The following ELMO1 variants were observed in gnomAD, a reference collection of about 807,000 sequenced individuals.
The protein encoded by ELMO1 is engulfment and cell motility protein 1.
Under a neutral mutation model 98.9 loss-of-function variants are expected in ELMO1, and 26 were observed. That is an observed-to-expected ratio of 0.26 (90% CI 0.19 to 0.36). The LOEUF (loss-of-function observed/expected upper bound fraction) is 0.36. ELMO1 is among the 10% of genes least tolerant of loss of function. The pLI, the probability that ELMO1 is intolerant of heterozygous loss-of-function variation, is 1.00. For missense variants in ELMO1, 627 were observed against 935.2 expected, an observed-to-expected ratio of 0.67 and a Z score of 4.30; for synonymous variants, 346 against 346.0, an observed-to-expected ratio of 1.00 and a Z score of 0.00.
intron 2 of ELMO1, among the ~76,000 whole-genome samples, chr7:37,320,718 T>C (rs978898721): frequency 6.6e-6 from 1 of 152,176 alleles, no homozygotes; most frequent in African/African-American, 2.4e-5. Flanking sequence ...CCCTCAGTAC[T>C]AGTTACCACA....
intron 13 of ELMO1, among the ~76,000 whole-genome samples, chr7:37,151,588 T>C (rs532840809): frequency 2.6e-5 from 4 of 152,286 alleles, no homozygotes; most frequent in African/African-American, 9.6e-5. Flanking sequence ...TGTTATCATA[T>C]GATTCAACCT....
rs191639932 is a variant in ELMO1, at chr7:37,410,008, C to T, written c.-74+38667G>A. Among the ~76,000 whole-genome samples, 64 of 152,278 alleles carry T rather than the reference C, an allele frequency of 4.2e-4. 1 individual carries two copies. The South Asian group carries it at 0.012, about 29-fold the overall frequency. On this transcript the variant is annotated intron_variant, in intron 1 of 21. Coordinates refer to ENST00000310758, the MANE Select transcript of ELMO1 (RefSeq NM_014800.11). ...AAAAGGTAATTATCTCCCTCCTTCCCGCAAAGTCACATAGCTATTAAGCAA... is the reference window on the plus strand; with the variant it reads ...AAAAGGTAATTATCTCCCTCCTTCCTGCAAAGTCACATAGCTATTAAGCAA...
chr7:37,369,743 T>A (rs1802040264), intron 1 of ELMO1, among the ~76,000 whole-genome samples: 1 of 149,894 alleles, frequency 6.7e-6, no homozygotes, highest in Non-Finnish European at 1.5e-5. Flanking sequence ...TCCAAAGGTT[T>A]GATAAGAAAA....
rs77900641 is a variant in ELMO1, at chr7:36,925,287, C to T, written c.1438-30270G>A. 1.1e-4 allele frequency among the ~76,000 whole-genome samples: 16 copies of T among 152,256 alleles called. No individual in the cohort carries two copies. The South Asian group carries it at 2.7e-3, about 26-fold the overall frequency. ...TTTATACTTCAAGGAACAAACAAAG[C>T]GATCATTTTTTCGTGACTCTCTGAG... is the stretch of plus-strand genomic sequence containing the variant. On this transcript the variant is annotated intron_variant, in intron 16 of 21. Transcript: ENST00000310758.
intron 4 of ELMO1, among the ~76,000 whole-genome samples, chr7:37,310,336 A>G (rs1340742060): frequency 6.6e-6 from 1 of 152,224 alleles, no homozygotes; most frequent in Non-Finnish European, 1.5e-5. Flanking sequence ...TAACCTCCTC[A>G]TGGCTTTCCT....
At chr7:37,146,072 G>T (rs1055587635) in intron 13 of ELMO1, among the ~76,000 whole-genome samples, 1 of 152,278 alleles carries the variant, frequency 6.6e-6, no homozygotes, top group South Asian at 2.1e-4. Context: ...TGGTGTCCAG[G>T]TTCTAGCCCA....
chr7:37,435,868 G>A (rs139070657), intron 1 of ELMO1, among the ~76,000 whole-genome samples: 139 of 152,224 alleles, frequency 9.1e-4, no homozygotes, highest in African/African-American at 3.1e-3. Flanking sequence ...CTGCCCCGAC[G>A]GTGCTCTTTT....
chr7:37,355,993 A>G (rs1801479327), intron 1 of ELMO1, among the ~76,000 whole-genome samples: 1 of 152,192 alleles, frequency 6.6e-6, no homozygotes. Flanking sequence ...GGGTAGTGTT[A>G]GGGCTTAGAA....
chr7:37,097,679 T>C (rs980144282), intron 14 of ELMO1, among the ~76,000 whole-genome samples: 3 of 152,092 alleles, frequency 2.0e-5, no homozygotes, highest in Admixed American at 6.5e-5. Flanking sequence ...GGCTCAACTA[T>C]GCTGACGGTG....
At chr7:36,901,991 G>C (rs963034256) in intron 16 of ELMO1, among the ~76,000 whole-genome samples, 2 of 152,158 alleles carry the variant, frequency 1.3e-5, no homozygotes, top group African/African-American at 4.8e-5. Context: ...TGGTTTCAGG[G>C]CTTGGAAGAT....
intron 4 of ELMO1, among the ~76,000 whole-genome samples, chr7:37,293,871 T>G (rs904949762): frequency 1.3e-5 from 2 of 151,706 alleles, no homozygotes; most frequent in Non-Finnish European, 2.9e-5. Context: ...TCCACTAAGA[T>G]TTTAATTAAA....
At chr7:37,128,309 T>C (rs1786669375) in intron 14 of ELMO1, among the ~76,000 whole-genome samples, 1 of 152,244 alleles carries the variant, frequency 6.6e-6, no homozygotes, top group Non-Finnish European at 1.5e-5. Flanking sequence ...AGCAGGCTCA[T>C]GGGCATGAGC....
intron 16 of ELMO1, among the ~76,000 whole-genome samples, chr7:36,994,611 C>T (rs1792080752): frequency 6.6e-6 from 1 of 152,230 alleles, no homozygotes; most frequent in Non-Finnish European, 1.5e-5. Context: ...TGTTGTCTCC[C>T]ATTCCTTCCT....
At chr7:37,215,430 C>T (rs1459036696) in intron 11 of ELMO1, among the ~76,000 whole-genome samples, 3 of 152,162 alleles carry the variant, frequency 2.0e-5, no homozygotes, top group Non-Finnish European at 2.9e-5. Flanking sequence ...GAGACTGCTC[C>T]TCCCAGGTCT....
intron 4 of ELMO1, among the ~76,000 whole-genome samples, chr7:37,302,110 T>A (rs1294966833): frequency 1.3e-5 from 2 of 152,196 alleles, no homozygotes. Context: ...TCTTTGCCAC[T>A]CCTTCCATGG....
chr7:37,173,719 C>T lies in ELMO1; in HGVS notation c.1086+37667G>A, dbSNP rs182054060. Among the ~76,000 whole-genome samples, 399 of 152,310 alleles carry T rather than the reference C, an allele frequency of 2.6e-3. 5 individuals are homozygous for T. The highest frequency in any genetic ancestry group is 9.2e-3 in the African/African-American group (382 of 41,558). On this transcript the variant is annotated intron_variant, in intron 13 of 21. Transcript: ENST00000310758. ...TGATCAAAGCCTGTTAAGCTCAAAA[C>T]TTATATAGAGAAGAGAAAAGAAATA...
chr7:37,362,287 G>A (rs1213132433), intron 1 of ELMO1, among the ~76,000 whole-genome samples: 2 of 151,904 alleles, frequency 1.3e-5, no homozygotes, highest in Admixed American at 6.6e-5. Flanking sequence ...CCTCCCACCA[G>A]GTATGCTTCT....
rs760504008 is a variant in ELMO1 at position 37,213,474 on chromosome 7, C to T, written c.832-17G>A. On this transcript the variant is annotated splice_polypyrimidine_tract_variant and intron_variant, in intron 11 of 21. Coordinates refer to ENST00000310758, the MANE Select transcript of ELMO1 (RefSeq NM_014800.11). ...GATGACATGCTAGGGAGATGGTTCA[C>T]AAATGAAATTTTTTAAAAAAGAAAG... The T allele has an allele frequency of 9.4e-6, 15 of 1,598,510 alleles. No individual in the cohort carries two copies. The highest frequency in any genetic ancestry group is 2.2e-5 in the East Asian group (1 of 44,578).
At chr7:37,072,352 G>A (rs747072910) in intron 15 of ELMO1, among the ~76,000 whole-genome samples, 4 of 152,012 alleles carry the variant, frequency 2.6e-5, no homozygotes, top group Admixed American at 6.6e-5. Context: ...TCATAAGATC[G>A]GCTGGTTTTA....
Sources: allele counts gnomAD v4.1 joint callset (sites outside exome capture counted in the v4.1 genomes callset), GRCh38; gene constraint gnomAD v4.1.1; transcripts MANE v1.5; gene names NCBI Gene and HGNC (gene_info 2026-07-23, HGNC 2026-07-21).